CATSPERD: variants seen among roughly 807,000 people sequenced by gnomAD.
CATSPERD encodes cation channel sperm-associated auxiliary subunit delta.
Under a neutral mutation model 98.1 loss-of-function variants are expected in CATSPERD, and 86 were observed. That is an observed-to-expected ratio of 0.88 (90% CI 0.74 to 1.05). The LOEUF is 1.05. Ranked by LOEUF, CATSPERD falls within the 50% of genes least tolerant of loss-of-function variation. The pLI, the probability that CATSPERD is intolerant of heterozygous loss-of-function variation, is 0.00. For synonymous variants in CATSPERD, 394 were observed against 390.2 expected (o/e 1.01, Z -0.12); for missense variants, 995 against 1,005.7 (o/e 0.99, Z 0.14).
intron 8 of CATSPERD, 144 bp downstream of exon 8, chr19:5,744,654 G>A: frequency 2.2e-6 from 1 of 459,692 alleles, no homozygotes; most frequent in Non-Finnish European, 3.7e-6. Flanking sequence ...AGGCCGGAGT[G>A]CAGTGGCGCA....
chr19:5,746,657 T>C (rs2056100742), intron 9 of CATSPERD, among the ~76,000 whole-genome samples: 1 of 151,888 alleles, frequency 6.6e-6, no homozygotes, highest in Non-Finnish European at 1.5e-5. Context: ...ATGGTCTCCA[T>C]CTCCTGACCG....
chr19:5,735,139 T>G (rs1423776030), intron 5 of CATSPERD, among the ~76,000 whole-genome samples: 1 of 152,046 alleles, frequency 6.6e-6, no homozygotes, highest in Non-Finnish European at 1.5e-5. Flanking sequence ...ACAAAAAACC[T>G]TACTTTTCTT....
At chr19:5,726,911 T>G (rs1166599467) in intron 2 of CATSPERD, among the ~76,000 whole-genome samples, 2 of 151,874 alleles carry the variant, frequency 1.3e-5, no homozygotes, top group Admixed American at 6.6e-5. Context: ...AAATTATTTC[T>G]GGCCGGACGT....
intron 6 of CATSPERD, 48 bp from the exon 7 acceptor site, chr19:5,739,278 C>G (rs1373729867): frequency 9.5e-7 from 1 of 1,054,804 alleles, no homozygotes; most frequent in Admixed American, 2.0e-5. Flanking sequence ...CAGGAACGTA[C>G]TTGCTGGCAT....
chr19:5,745,771 AAAAG>A (rs1055920891), intron 8 of CATSPERD, 138 bp from the exon 9 acceptor site: 76 of 707,948 alleles, frequency 1.1e-4, no homozygotes, highest in African/African-American at 1.1e-3. Context: ...TAAAAATAAA[AAAAG>A]AAAGGCAGAC....
intron 2 of CATSPERD, among the ~76,000 whole-genome samples, chr19:5,725,693 G>A (rs1214513031): frequency 1.3e-5 from 2 of 152,072 alleles, no homozygotes; most frequent in Non-Finnish European, 2.9e-5. Context: ...CTGAGGTCAG[G>A]AGTTCAAGAC....
At position 5,730,061 on chromosome 19, in the gene CATSPERD, T is replaced by A. The variant is rs2055684385; in HGVS notation, c.276+117T>A. ...ATTAGTTTAGAGGTTTATTTTACAA[T>A]GTACCTCTTCAAGACATTAAGGGCA... is the stretch of plus-strand genomic sequence containing the variant. On this transcript the variant is annotated intron_variant, in intron 4 of 21. Coordinates refer to ENST00000381624, the MANE Select transcript of CATSPERD (RefSeq NM_152784.4). 5 of 645,048 alleles carry A rather than the reference T, an allele frequency of 7.8e-6. No individual in the cohort carries two copies. The South Asian group carries it at 1.2e-4, about 16-fold the overall frequency. 40.0% of individuals were successfully genotyped at this position (645,048 alleles called of 1,614,324 possible).
chr19:5,769,496 G>A (rs1238165217), intron 18 of CATSPERD, among the ~76,000 whole-genome samples: 1 of 151,986 alleles, frequency 6.6e-6, no homozygotes, highest in African/African-American at 2.4e-5. Context: ...AGTTTCAGCA[G>A]GAGCTTTGGA....
chr19:5,750,450 C>CAAAAAAA (rs60496454), intron 11 of CATSPERD, among the ~76,000 whole-genome samples: 1 of 48,672 alleles, frequency 2.1e-5, no homozygotes, highest in Non-Finnish European at 3.5e-5. Context: ...GACTCTGTCT[C>CAAAAAAA]AAAAAAAAAA....
intron 5 of CATSPERD, among the ~76,000 whole-genome samples, chr19:5,736,231 C>T (rs2055842925): frequency 6.6e-6 from 1 of 151,934 alleles, no homozygotes; most frequent in Non-Finnish European, 1.5e-5. Flanking sequence ...CAGTTCTGTC[C>T]CCCAAGAGGA....
At chr19:5,759,614 C>T (rs893021124) in intron 15 of CATSPERD, among the ~76,000 whole-genome samples, 2 of 148,870 alleles carry the variant, frequency 1.3e-5, no homozygotes, top group Admixed American at 6.7e-5. Context: ...TAGTGGCGGG[C>T]GCCTATAATC....
chr19:5,776,528 A>G (rs911849200), intron 21 of CATSPERD, among the ~76,000 whole-genome samples: 1 of 152,198 alleles, frequency 6.6e-6, no homozygotes, highest in Non-Finnish European at 1.5e-5. Flanking sequence ...GTGCTGGGGG[A>G]ACAGCAGTGA....
chr19:5,777,547 T>C (rs565173563), intron 21 of CATSPERD, among the ~76,000 whole-genome samples: 2 of 152,278 alleles, frequency 1.3e-5, no homozygotes, highest in Admixed American at 1.3e-4. Context: ...GGGATCCTGG[T>C]GACAGCTGCC....
intron 20 of CATSPERD, 136 bp from the exon 21 acceptor site, chr19:5,776,025 G>A (rs2056735449): frequency 1.1e-6 from 1 of 869,954 alleles, no homozygotes; most frequent in Non-Finnish European, 1.8e-6. Flanking sequence ...CACACCATGG[G>A]CACTTGGCCC....
Position 5,749,108 on chromosome 19 carries a change from T to A in CATSPERD, c.912T>A (p.Asn304Lys), listed in dbSNP as rs200979286. 1 of 1,611,696 alleles carries A rather than the reference T, an allele frequency of 6.2e-7. No homozygotes were observed. The highest frequency in any genetic ancestry group is 8.5e-7 in the Non-Finnish European group (1 of 1,179,104). The change falls in exon 11 of 22, where the codon AAT (asparagine) becomes AAA (lysine). Residue 304 changes from asparagine to lysine, a missense_variant. Around this residue, in one of 3 missense-constraint regions of CATSPERD, gnomAD observed 762 missense variants for 773.7 expected, o/e 0.98. Transcript: ENST00000381624. ...ITIHNIAVTENELAVITREDN... is the reference protein window; with the variant it reads ...ITIHNIAVTEKELAVITREDN... Reference sequence around the variant, plus strand: ...TTGTTTTGTTTTTCCCAGCTGAAAATGAACTGGCAGTTATAACTCGGGAGG... The same window carrying A: ...TTGTTTTGTTTTTCCCAGCTGAAAAAGAACTGGCAGTTATAACTCGGGAGG...
chr19:5,757,961 G>C, intron 14 of CATSPERD, 29 bp downstream of exon 14: 1 of 1,588,514 alleles, frequency 6.3e-7, no homozygotes, highest in Non-Finnish European at 8.6e-7. Flanking sequence ...AAACCCTGTC[G>C]CCTGTCCCTT....
chr19:5,744,389 G>T, intron 7 of CATSPERD, 38 bp from the exon 8 acceptor site: 3 of 1,526,766 alleles, frequency 2.0e-6, no homozygotes, highest in East Asian at 2.3e-5. Context: ...TGTGTATTAA[G>T]ATTTATTCAT....
rs1032548364 is a variant in CATSPERD, at chr19:5,758,952, A to T, written c.1369-134A>T. The T allele has an allele frequency of 2.3e-5, 15 of 638,336 alleles. No individual in the cohort carries two copies. In the African/African-American group the frequency reaches 2.6e-4, roughly 11 times the overall value. 39.5% of individuals were successfully genotyped at this position (638,336 alleles called of 1,614,324 possible). ...AAAAAAAAAAAAAAAAAAAAGGAACAGAGTGGGGCTAAGCGGCTTCCAGGT... is the reference window on the plus strand; with the variant it reads ...AAAAAAAAAAAAAAAAAAAAGGAACTGAGTGGGGCTAAGCGGCTTCCAGGT... On this transcript the variant is annotated intron_variant, in intron 14 of 21. Transcript: ENST00000381624.
At position 5,763,981 on chromosome 19, in the gene CATSPERD, G is replaced by A. The variant is rs530931384; in HGVS notation, c.1506+688G>A. 2.0e-5 allele frequency among the ~76,000 whole-genome samples: 3 copies of A among 148,230 alleles called. No individual in the cohort carries two copies. In the South Asian group the frequency reaches 6.5e-4, roughly 32 times the overall value. On this transcript the variant is annotated intron_variant, in intron 16 of 21. Transcript: ENST00000381624. ...TCCTAACCTCAGCCTCCCGAGTAGC[G>A]GGGATTACAAGCATGTGCCACCATG... is the stretch of plus-strand genomic sequence containing the variant.
Sources: allele counts gnomAD v4.1 joint callset (sites outside exome capture counted in the v4.1 genomes callset), GRCh38; gene constraint gnomAD v4.1.1; regional missense constraint gnomAD v4.1.1; transcripts MANE v1.5; gene names NCBI Gene and HGNC (gene_info 2026-07-23, HGNC 2026-07-21).